CNTN5: variants seen among roughly 807,000 people sequenced by gnomAD.
CNTN5 encodes the protein contactin-5.
Under a neutral mutation model 129.1 loss-of-function variants are expected in CNTN5, and 77 were observed. That is an observed-to-expected ratio of 0.60 (90% CI 0.50 to 0.72). CNTN5 has a LOEUF of 0.72. Ranked by LOEUF, CNTN5 falls within the 30% of genes least tolerant of loss-of-function variation. The pLI is 0.00. For synonymous variants in CNTN5, 509 were observed against 465.6 expected, an observed-to-expected ratio of 1.09 and a Z score of -1.20; for missense variants, 1,478 against 1,328.8, an observed-to-expected ratio of 1.11 and a Z score of -1.75.
chr11:99,089,251 T>G (rs2135310553), intron 1 of CNTN5, among the ~76,000 whole-genome samples: 1 of 152,216 alleles, frequency 6.6e-6, no homozygotes, highest in African/African-American at 2.4e-5. Context: ...ACAATTATAT[T>G]TATAGCAGAA....
chr11:100,352,827 C>T (rs1952446618), intron 24 of CNTN5, among the ~76,000 whole-genome samples: 1 of 151,672 alleles, frequency 6.6e-6, no homozygotes, highest in Non-Finnish European at 1.5e-5. Context: ...TTTTCAAGAG[C>T]ATCTTAAAAG....
chr11:100,154,517 T>C (rs1004146745), intron 13 of CNTN5, among the ~76,000 whole-genome samples: 4 of 152,194 alleles, frequency 2.6e-5, no homozygotes, highest in South Asian at 4.1e-4. Context: ...GAATGTGTTA[T>C]AATGCTTTGG....
chr11:99,732,116 G>T (rs1030259857), intron 3 of CNTN5, among the ~76,000 whole-genome samples: 1 of 152,164 alleles, frequency 6.6e-6, no homozygotes, highest in African/African-American at 2.4e-5. Flanking sequence ...GTTTCATCAG[G>T]CAAGGTAAAC....
At chr11:99,377,574 T>G (rs1940259739) in intron 2 of CNTN5, among the ~76,000 whole-genome samples, 1 of 152,262 alleles carries the variant, frequency 6.6e-6, no homozygotes, top group South Asian at 2.1e-4. Context: ...TATTAATTGG[T>G]TTCATCATTT....
At chr11:99,122,428 A>G (rs1858390374) in intron 1 of CNTN5, among the ~76,000 whole-genome samples, 1 of 152,002 alleles carries the variant, frequency 6.6e-6, no homozygotes, top group African/African-American at 2.4e-5. Flanking sequence ...ATAGAAACAT[A>G]TTTTAGGTCA....
At position 99,419,323 on chromosome 11, in the gene CNTN5, T is replaced by C. The variant is rs541712813; in HGVS notation, c.-71+93839T>C. Among the ~76,000 whole-genome samples the C allele has an allele frequency of 1.7e-3, 260 of 152,310 alleles. 3 individuals carry two copies. Among genetic ancestry groups the C allele is most frequent in the Middle Eastern group, 6.8e-3 (2 of 294 alleles). On this transcript the variant is annotated intron_variant, in intron 2 of 24. Transcript: ENST00000524871. ...TACTCATTTTCTAGAGCTTGGGATATGCTTGTCGGTTTGTTGAATGGATAA... is the reference window on the plus strand; with the variant it reads ...TACTCATTTTCTAGAGCTTGGGATACGCTTGTCGGTTTGTTGAATGGATAA...
intron 15 of CNTN5, among the ~76,000 whole-genome samples, chr11:100,206,916 G>A (rs1226320755): frequency 6.6e-6 from 1 of 151,848 alleles, no homozygotes; most frequent in Non-Finnish European, 1.5e-5. Flanking sequence ...AAATAGAATT[G>A]TATATCCTTA....
intron 1 of CNTN5, among the ~76,000 whole-genome samples, chr11:99,149,224 A>G (rs1327089768): frequency 1.3e-5 from 2 of 152,172 alleles, no homozygotes; most frequent in Non-Finnish European, 1.5e-5. Flanking sequence ...GTGTGGGGTT[A>G]CAAATCTTGT....
intron 4 of CNTN5, among the ~76,000 whole-genome samples, chr11:99,839,253 T>C (rs1591288015): frequency 6.6e-6 from 1 of 152,306 alleles, no homozygotes; most frequent in East Asian, 1.9e-4. Flanking sequence ...GTTTACCTAA[T>C]GGTAAGTCAC....
At chr11:100,096,931 G>A (rs960077268) in intron 13 of CNTN5, among the ~76,000 whole-genome samples, 1 of 152,070 alleles carries the variant, frequency 6.6e-6, no homozygotes, top group African/African-American at 2.4e-5. Flanking sequence ...AGTAGCTGGG[G>A]AATAACAGAA....
chr11:99,437,070 A>T (rs1051421163), intron 2 of CNTN5, among the ~76,000 whole-genome samples: 1 of 152,216 alleles, frequency 6.6e-6, no homozygotes, highest in African/African-American at 2.4e-5. Context: ...TAAATGTTCA[A>T]AAGTGAGCCC....
chr11:99,628,566 A>G (rs1011158345), intron 3 of CNTN5, among the ~76,000 whole-genome samples: 4 of 151,702 alleles, frequency 2.6e-5, no homozygotes, highest in Non-Finnish European at 5.9e-5. Flanking sequence ...AATTATGTCT[A>G]TCTACACACA....
chr11:99,571,424 T>G (rs1227596647), intron 3 of CNTN5, among the ~76,000 whole-genome samples: 1 of 152,114 alleles, frequency 6.6e-6, no homozygotes, highest in South Asian at 2.1e-4. Flanking sequence ...AGTCTTATAA[T>G]GGAAACAGAT....
At chr11:99,845,467 G>T (rs1025026894) in intron 6 of CNTN5, among the ~76,000 whole-genome samples, 22 of 138,682 alleles carry the variant, frequency 1.6e-4, no homozygotes, top group African/African-American at 5.9e-4. Flanking sequence ...CCGCCTCCCG[G>T]GTTCACGCCA....
At chr11:99,658,323 C>G (rs763590922) in intron 3 of CNTN5, among the ~76,000 whole-genome samples, 2 of 152,064 alleles carry the variant, frequency 1.3e-5, no homozygotes, top group African/African-American at 2.4e-5. Context: ...CAAATCCCCT[C>G]TAATTCAGAA....
At chr11:100,025,983 G>A (rs2137587075) in intron 9 of CNTN5, among the ~76,000 whole-genome samples, 1 of 152,264 alleles carries the variant, frequency 6.6e-6, no homozygotes, top group African/African-American at 2.4e-5. Context: ...AGGCATGACT[G>A]CTTTTGAAAT....
intron 13 of CNTN5, among the ~76,000 whole-genome samples, chr11:100,079,762 T>C (rs551902715): frequency 2.0e-4 from 31 of 152,260 alleles, no homozygotes; most frequent in African/African-American, 6.7e-4. Flanking sequence ...CTTTTCATAC[T>C]GAAACTAATA....
intron 9 of CNTN5, among the ~76,000 whole-genome samples, chr11:100,034,763 AG>A (rs1197292703): frequency 4.6e-5 from 7 of 152,202 alleles, no homozygotes; most frequent in Admixed American, 2.6e-4. Context: ...TCTTTCTTTA[AG>A]AAAAAGTTTG....
chr11:100,075,963 G>A (rs376829265), intron 13 of CNTN5, among the ~76,000 whole-genome samples: 5 of 152,048 alleles, frequency 3.3e-5, no homozygotes, highest in East Asian at 1.9e-4. Context: ...CCCCAACATC[G>A]TACAACTTGT....
Sources: allele counts gnomAD v4.1 joint callset (sites outside exome capture counted in the v4.1 genomes callset), GRCh38; gene constraint gnomAD v4.1.1; transcripts MANE v1.5; gene names NCBI Gene and HGNC (gene_info 2026-07-23, HGNC 2026-07-21).